CEP63: variants seen among roughly 807,000 people sequenced by gnomAD.
CEP63 encodes the protein centrosomal protein of 63 kDa.
CEP63 carries 84 observed loss-of-function variants against 89.1 expected under a neutral mutation model. The ratio of observed to expected loss-of-function variants is 0.94; its 90% CI spans 0.79 to 1.13. The LOEUF (loss-of-function observed/expected upper bound fraction) is 1.13. Ranked by LOEUF, CEP63 falls within the 50% of genes most tolerant of loss-of-function variation. CEP63 has a pLI of 0.00. For synonymous variants in CEP63, 267 were observed against 272.5 expected, an observed-to-expected ratio of 0.98 and a Z score of 0.20; for missense variants, 838 against 813.3, an observed-to-expected ratio of 1.03 and a Z score of -0.37.
the CEP63 span, among the ~76,000 whole-genome samples, chr3:134,718,269 G>C: frequency 6.6e-6 from 1 of 152,192 alleles, no homozygotes; most frequent in Non-Finnish European, 1.5e-5. Flanking sequence ...ATCTAAGCCT[G>C]GTGCTGCCAG....
At chr3:134,555,912 G>A (rs1577381296) in intron 12 of CEP63, among the ~76,000 whole-genome samples, 1 of 152,016 alleles carries the variant, frequency 6.6e-6, no homozygotes, top group Admixed American at 6.6e-5. Flanking sequence ...CATGGTACTG[G>A]TACCAAAAAA....
chr3:134,593,774 A>G, the CEP63 span, among the ~76,000 whole-genome samples: 2 of 152,254 alleles, frequency 1.3e-5, no homozygotes, highest in Admixed American at 1.3e-4. Context: ...TTTTAAAGAT[A>G]GACTTTAACA....
At chr3:134,585,946 T>C (rs1207351612) in intron 10 of CEP63, among the ~76,000 whole-genome samples, 1 of 152,212 alleles carries the variant, frequency 6.6e-6, no homozygotes, top group Non-Finnish European at 1.5e-5. Context: ...TTTACCATTA[T>C]GTAATGGCCT....
chr3:134,606,973 C>T, the CEP63 span: 3 of 985,136 alleles, frequency 3.0e-6, no homozygotes, highest in Non-Finnish European at 3.6e-6. Flanking sequence ...GAACTAGCTA[C>T]CACAAAGAAA....
chr3:134,696,985 C>T, the CEP63 span, among the ~76,000 whole-genome samples: 3 of 152,146 alleles, frequency 2.0e-5, no homozygotes, highest in Non-Finnish European at 2.9e-5. Flanking sequence ...AAACTATGAA[C>T]GTTGTTAAGT....
chr3:134,628,069 G>A, the CEP63 span: 4 of 558,380 alleles, frequency 7.2e-6, no homozygotes, highest in Non-Finnish European at 1.3e-5. Flanking sequence ...TGCAACTGGA[G>A]TTAGTATTTG....
At chr3:134,737,544 T>C in the CEP63 span, among the ~76,000 whole-genome samples, 2 of 152,244 alleles carry the variant, frequency 1.3e-5, no homozygotes, top group East Asian at 1.9e-4. Flanking sequence ...TGCTCCACCA[T>C]ACCAGTGGTC....
the CEP63 span, among the ~76,000 whole-genome samples, chr3:134,759,829 A>G: frequency 6.6e-6 from 1 of 152,068 alleles, no homozygotes; most frequent in African/African-American, 2.4e-5. Flanking sequence ...GGTGCCTGGA[A>G]CTCTTTTCAG....
chr3:134,780,502 G>A, the CEP63 span: 3 of 152,162 alleles, frequency 2.0e-5, no homozygotes, highest in Non-Finnish European at 2.9e-5. Flanking sequence ...GAGACATACA[G>A]CCTTTGTCCT....
chr3:134,776,636 G>A, the CEP63 span, among the ~76,000 whole-genome samples: 4 of 152,256 alleles, frequency 2.6e-5, no homozygotes, highest in Non-Finnish European at 4.4e-5. Context: ...AGGAGTACAC[G>A]CTCTTCTTGG....
the CEP63 span, among the ~76,000 whole-genome samples, chr3:134,714,051 C>A: frequency 6.6e-6 from 1 of 152,284 alleles, no homozygotes; most frequent in East Asian, 1.9e-4. Flanking sequence ...TGGACACCAG[C>A]ACCCTCTATG....
chr3:134,557,967 T>C (rs1956571862), intron 12 of CEP63, among the ~76,000 whole-genome samples, 175 bp from the exon 13 acceptor site: 1 of 152,200 alleles, frequency 6.6e-6, no homozygotes, highest in Admixed American at 6.5e-5. Flanking sequence ...TCCACTACCA[T>C]TTACTTGAAG....
At position 134,540,604 on chromosome 3, in the gene CEP63, T is replaced by A. The variant is rs538701732; in HGVS notation, c.555+3336T>A. Reference sequence around the variant, plus strand: ...TATTTCTTTTGACTTTCCCCACTTTTAGGCTTGTCTTTGCCAATCTTATAG... The same window carrying A: ...TATTTCTTTTGACTTTCCCCACTTTAAGGCTTGTCTTTGCCAATCTTATAG... On this transcript the variant is annotated intron_variant, in intron 6 of 14. Coordinates refer to ENST00000675561, the MANE Select transcript of CEP63 (RefSeq NM_001353108.3). 2.6e-4 allele frequency among the ~76,000 whole-genome samples: 39 copies of A among 152,200 alleles called. 1 individual carries two copies. Among genetic ancestry groups the A allele is most frequent in the African/African-American group, 9.4e-4 (39 of 41,552 alleles).
chr3:134,581,547 C>T (rs937959136), intron 10 of CEP63, among the ~76,000 whole-genome samples: 16 of 151,850 alleles, frequency 1.1e-4, no homozygotes, highest in African/African-American at 3.6e-4. Flanking sequence ...CGCCATTGCA[C>T]TCCAGCCTGG....
chr3:134,683,169 CATT>C, the CEP63 span, among the ~76,000 whole-genome samples: 1 of 152,172 alleles, frequency 6.6e-6, no homozygotes, highest in South Asian at 2.1e-4. Flanking sequence ...CCATGAATGC[CATT>C]ATATGCTTTG....
chr3:134,736,320 T>G, the CEP63 span, among the ~76,000 whole-genome samples: 3 of 152,188 alleles, frequency 2.0e-5, no homozygotes, highest in South Asian at 6.2e-4. Context: ...ATTCACCACT[T>G]TTATTTAACA....
At chr3:134,653,556 T>A in the CEP63 span, among the ~76,000 whole-genome samples, 1 of 152,128 alleles carries the variant, frequency 6.6e-6, no homozygotes, top group East Asian at 1.9e-4. Context: ...TTGGCCTGGG[T>A]TGACTTAGCT....
chr3:134,489,374 T>TG (rs1279190697), intron 1 of CEP63, among the ~76,000 whole-genome samples: 1 of 151,984 alleles, frequency 6.6e-6, no homozygotes, highest in Non-Finnish European at 1.5e-5. Context: ...GTGGGATAGT[T>TG]GGGGGGGTTG....
At chr3:134,701,272 ACACAC>A in the CEP63 span, among the ~76,000 whole-genome samples, 1 of 75,236 alleles carries the variant, frequency 1.3e-5, no homozygotes, top group African/African-American at 5.7e-5. Flanking sequence ...ATATACATAT[ACACAC>A]ATATATACGT....
Sources: allele counts gnomAD v4.1 joint callset (sites outside exome capture counted in the v4.1 genomes callset), GRCh38; gene constraint gnomAD v4.1.1; transcripts MANE v1.5; gene names NCBI Gene and HGNC (gene_info 2026-07-23, HGNC 2026-07-21).